The following SNTG2 variants were observed in gnomAD, a reference collection of about 807,000 sequenced individuals.
SNTG2 encodes the protein gamma-2-syntrophin.
Under a neutral mutation model 70.9 loss-of-function variants are expected in SNTG2, and 74 were observed. The ratio of observed to expected loss-of-function variants is 1.04; its 90% CI spans 0.86 to 1.27. The LOEUF (loss-of-function observed/expected upper bound fraction) is 1.27. SNTG2 is among the 50% of genes most tolerant of loss of function. The pLI is 0.00. For missense variants in SNTG2, 717 were observed against 690.7 expected (o/e 1.04, Z -0.43); for synonymous variants, 278 against 273.8 (o/e 1.02, Z -0.15).
At chr2:1,167,433 C>T (rs1670799518) in intron 7 of SNTG2, among the ~76,000 whole-genome samples, 1 of 143,898 alleles carries the variant, frequency 6.9e-6, no homozygotes, top group African/African-American at 2.7e-5. Flanking sequence ...TAGAAGCCGC[C>T]CACAGACGTC....
chr2:1,103,236 ATTATTT>A (rs1374654512), intron 4 of SNTG2, among the ~76,000 whole-genome samples: 4 of 152,128 alleles, frequency 2.6e-5, no homozygotes, highest in Non-Finnish European at 5.9e-5. Flanking sequence ...GAGATCTATA[ATTATTT>A]TTATTGTGTT....
intron 7 of SNTG2, among the ~76,000 whole-genome samples, chr2:1,167,148 G>T (rs1053855125): frequency 8.5e-5 from 13 of 152,216 alleles, no homozygotes; most frequent in African/African-American, 3.1e-4. Flanking sequence ...ACAGACAGCA[G>T]AACTGAAGCC....
chr2:1,307,985 T>G (rs888722338), intron 14 of SNTG2, among the ~76,000 whole-genome samples: 3 of 152,234 alleles, frequency 2.0e-5, no homozygotes, highest in African/African-American at 7.2e-5. Context: ...TGTTTGTTTT[T>G]GGTGGTATCC....
Position 1,353,266 on chromosome 2 carries a change from A to G in SNTG2, c.1489-14077A>G, listed in dbSNP as rs1660678480. Among the ~76,000 whole-genome samples, 1 of 152,108 alleles carries G rather than the reference A, an allele frequency of 6.6e-6. No homozygotes were observed. Among genetic ancestry groups the G allele is most frequent in the Non-Finnish European group, 1.5e-5 (1 of 68,012 alleles). ...CACAGAAACAGTGGGCGGAAGGAGCACGACCTGAGCTCCAGGGTGTGTTCA... is the reference window on the plus strand; with the variant it reads ...CACAGAAACAGTGGGCGGAAGGAGCGCGACCTGAGCTCCAGGGTGTGTTCA... On this transcript the variant is annotated intron_variant, in intron 16 of 16. Transcript: ENST00000308624. This position sits in a 1 kb window ranked among gnomAD's most constrained non-coding sequence, Gnocchi z 4.2.
intron 1 of SNTG2, among the ~76,000 whole-genome samples, chr2:1,027,684 T>C (rs7578374): frequency 0.37 from 3,740 of 10,238 alleles, 1,005 homozygotes; most frequent in African/African-American, 0.72. Flanking sequence ...GCGTCTGACC[T>C]ACAGACACTA....
At chr2:1,052,514 A>G (rs1010569435) in intron 1 of SNTG2, among the ~76,000 whole-genome samples, 2 of 152,092 alleles carry the variant, frequency 1.3e-5, no homozygotes, top group Non-Finnish European at 2.9e-5. Context: ...CTTCTTCCAG[A>G]GAACTGTTCT....
At chr2:1,281,599 A>G (rs1377323027) in intron 14 of SNTG2, among the ~76,000 whole-genome samples, 1 of 151,730 alleles carries the variant, frequency 6.6e-6, no homozygotes, top group African/African-American at 2.4e-5. Context: ...TGTACATTGC[A>G]GGACACGTGT....
At chr2:974,508 G>C (rs1032732039) in intron 1 of SNTG2, among the ~76,000 whole-genome samples, 2 of 152,200 alleles carry the variant, frequency 1.3e-5, no homozygotes, top group African/African-American at 4.8e-5. Flanking sequence ...GCATGCAGGA[G>C]CTGGACACTG....
At chr2:1,366,060 C>G (rs2148326755) in intron 16 of SNTG2, among the ~76,000 whole-genome samples, 2 of 152,122 alleles carry the variant, frequency 1.3e-5, no homozygotes, top group Non-Finnish European at 2.9e-5. Flanking sequence ...TAGCGTTGCT[C>G]TTCTTCTTGA....
At chr2:1,072,331 T>C (rs12328465) in intron 1 of SNTG2, among the ~76,000 whole-genome samples, 52,168 of 95,014 alleles carry the variant, frequency 0.55, 12,909 homozygotes, top group Non-Finnish European at 0.61. Context: ...TTTTTCTTTT[T>C]CTTTTCTTTT....
chr2:1,215,225 G>C (rs1674301246), intron 9 of SNTG2, among the ~76,000 whole-genome samples: 2 of 152,106 alleles, frequency 1.3e-5, no homozygotes, highest in Non-Finnish European at 2.9e-5. Context: ...TCTGGCTTTG[G>C]TATTAGGATA....
At chr2:979,888 T>G (rs1270008949) in intron 1 of SNTG2, among the ~76,000 whole-genome samples, 1 of 74,186 alleles carries the variant, frequency 1.3e-5, no homozygotes, top group African/African-American at 5.4e-5. Flanking sequence ...AGATTATAAT[T>G]TAAGTTATGT....
intron 2 of SNTG2, 138 bp downstream of exon 2, chr2:1,083,793 C>A: frequency 3.3e-6 from 3 of 921,074 alleles, no homozygotes; most frequent in Non-Finnish European, 4.9e-6. Context: ...TACTGGCTTT[C>A]ACTGTGTCAC....
chr2:1,239,394 G>C (rs74603304), intron 10 of SNTG2, among the ~76,000 whole-genome samples: 1,596 of 152,276 alleles, frequency 0.01, 26 homozygotes, highest in African/African-American at 0.036. Context: ...TGTGATCACC[G>C]TAATTACCAT....
intron 4 of SNTG2, among the ~76,000 whole-genome samples, chr2:1,123,912 T>A (rs2148294761): frequency 6.6e-6 from 1 of 152,296 alleles, no homozygotes; most frequent in East Asian, 1.9e-4. Context: ...CTCACTTATA[T>A]GTGGAATCTA....
chr2:1,101,234 C>A (rs1665763089), intron 4 of SNTG2, among the ~76,000 whole-genome samples: 2 of 152,176 alleles, frequency 1.3e-5, no homozygotes, highest in Non-Finnish European at 2.9e-5. Context: ...CCTCCCCCAG[C>A]CAGCTTGCCT....
chr2:1,142,434 G>T (rs1001327773), intron 6 of SNTG2, among the ~76,000 whole-genome samples: 29 of 152,344 alleles, frequency 1.9e-4, no homozygotes, highest in Middle Eastern at 3.4e-3. Flanking sequence ...TACCATGCCT[G>T]CTCAGCAGGA....
At chr2:1,354,478 T>A (rs79785391) in intron 16 of SNTG2, among the ~76,000 whole-genome samples, 37 of 26,778 alleles carry the variant, frequency 1.4e-3, no homozygotes, top group South Asian at 4.0e-3. Flanking sequence ...GGGTGTTCCG[T>A]GGCAGAGCGG....
chr2:1,132,531 T>A (rs970071041), intron 4 of SNTG2, among the ~76,000 whole-genome samples: 6 of 151,992 alleles, frequency 3.9e-5, no homozygotes, highest in Non-Finnish European at 8.8e-5. Flanking sequence ...TATCTTTTGA[T>A]TATGTGTCAA....
Sources: allele counts gnomAD v4.1 joint callset (sites outside exome capture counted in the v4.1 genomes callset), GRCh38; gene constraint gnomAD v4.1.1; non-coding constraint Gnocchi (gnomAD v3.1); transcripts MANE v1.5; gene names NCBI Gene and HGNC (gene_info 2026-07-23, HGNC 2026-07-21).